The following RCL1 variants were observed in gnomAD, a reference collection of about 807,000 sequenced individuals.
The protein encoded by RCL1 is RNA 3'-terminal phosphate cyclase-like protein.
In RCL1, 24 loss-of-function variants were observed where a neutral mutation model predicts 42.4. The observed-to-expected ratio is 0.57, with a 90% CI of 0.41 to 0.80. RCL1 has a LOEUF of 0.80. Ranked by LOEUF, RCL1 falls within the 30% of genes least tolerant of loss-of-function variation. The pLI is 0.00. For synonymous variants in RCL1, 228 were observed against 177.3 expected (o/e 1.29, Z -2.27); for missense variants, 578 against 467.9 (o/e 1.24, Z -2.17).
chr9:4,848,622 G>C (rs566194146), intron 7 of RCL1, among the ~76,000 whole-genome samples: 1 of 152,310 alleles, frequency 6.6e-6, no homozygotes, highest in South Asian at 2.1e-4. Flanking sequence ...ATGTTTTAAA[G>C]TTATTCCAGA....
intron 2 of RCL1, 41 bp from the exon 3 acceptor site, chr9:4,826,817 T>G: frequency 6.4e-7 from 1 of 1,555,124 alleles, no homozygotes; most frequent in Non-Finnish European, 8.7e-7. Flanking sequence ...ACATTTTAGT[T>G]TTTTTCCTGC....
At chr9:4,827,746 G>GCA (rs1563842813) in intron 3 of RCL1, among the ~76,000 whole-genome samples, 1 of 119,252 alleles carries the variant, frequency 8.4e-6, no homozygotes, top group Non-Finnish European at 1.8e-5. Flanking sequence ...GTGTGTGTGT[G>GCA]TGTGTGTGTG....
At chr9:4,798,754 G>A (rs1286464316) in intron 1 of RCL1, among the ~76,000 whole-genome samples, 4 of 152,164 alleles carry the variant, frequency 2.6e-5, no homozygotes, top group African/African-American at 9.7e-5. Flanking sequence ...GGGCGTAACA[G>A]ATAACTTTAC....
intron 1 of RCL1, among the ~76,000 whole-genome samples, chr9:4,815,742 G>T (rs371158780): frequency 1.6e-3 from 241 of 152,224 alleles, no homozygotes; most frequent in African/African-American, 5.5e-3. Context: ...TGGGCACGGT[G>T]TTGACTCCTT....
chr9:4,833,708 C>T (rs1179650102), intron 4 of RCL1, among the ~76,000 whole-genome samples: 1 of 152,104 alleles, frequency 6.6e-6, no homozygotes. Flanking sequence ...TGTGGTAAAC[C>T]GTTTAGCATC....
intron 1 of RCL1, among the ~76,000 whole-genome samples, chr9:4,797,301 G>C (rs1449224602): frequency 6.6e-6 from 1 of 152,172 alleles, no homozygotes; most frequent in Non-Finnish European, 1.5e-5. Context: ...TATGTAGCTT[G>C]AACCCACTGG....
chr9:4,825,014 C>T (rs142388039), intron 2 of RCL1, among the ~76,000 whole-genome samples: 28 of 152,038 alleles, frequency 1.8e-4, no homozygotes, highest in Admixed American at 5.2e-4. Context: ...CGGGTTCAAA[C>T]GATTCTCCTG....
At chr9:4,799,948 T>G (rs950353809) in intron 1 of RCL1, among the ~76,000 whole-genome samples, 1 of 152,162 alleles carries the variant, frequency 6.6e-6, no homozygotes, top group South Asian at 2.1e-4. Flanking sequence ...TCATATGGGT[T>G]GTTGCTGCCA....
At chr9:4,840,075 G>A (rs1450310128) in intron 5 of RCL1, among the ~76,000 whole-genome samples, 1 of 152,042 alleles carries the variant, frequency 6.6e-6, no homozygotes, top group African/African-American at 2.4e-5. Flanking sequence ...AGGAGCCACC[G>A]AGAGACTGTC....
chr9:4,802,236 C>G (rs1181085779), intron 1 of RCL1, among the ~76,000 whole-genome samples: 4 of 152,068 alleles, frequency 2.6e-5, no homozygotes, highest in Non-Finnish European at 5.9e-5. Flanking sequence ...GTATATCACA[C>G]AGTCTTGATT....
At chr9:4,851,482 A>G (rs1054357611) in intron 8 of RCL1, among the ~76,000 whole-genome samples, 4 of 152,230 alleles carry the variant, frequency 2.6e-5, no homozygotes, top group African/African-American at 9.6e-5. Context: ...CTCCAGCAGC[A>G]CAAAGAGATG....
At chr9:4,798,224 C>T (rs1563825250) in intron 1 of RCL1, among the ~76,000 whole-genome samples, 1 of 152,208 alleles carries the variant, frequency 6.6e-6, no homozygotes, top group Non-Finnish European at 1.5e-5. Context: ...GTGCCTCTAT[C>T]TCTGGATTTC....
chr9:4,836,687 G>C (rs186019382), intron 5 of RCL1: 1 of 152,404 alleles, frequency 6.6e-6, no homozygotes, highest in Non-Finnish European at 1.5e-5. Context: ...GTTCTCAGGA[G>C]GTTTGGCAAT....
chr9:4,828,854 G>C (rs1384835265), intron 3 of RCL1, among the ~76,000 whole-genome samples: 1 of 152,206 alleles, frequency 6.6e-6, no homozygotes. Flanking sequence ...TGCTGTAGGA[G>C]TATCTGCTTT....
chr9:4,857,786 G>A (rs1231824688), intron 8 of RCL1, among the ~76,000 whole-genome samples: 4 of 151,982 alleles, frequency 2.6e-5, no homozygotes, highest in Non-Finnish European at 5.9e-5. Flanking sequence ...GTTATTGTAT[G>A]TCTTTTTATT....
At chr9:4,814,771 A>C (rs761748156) in intron 1 of RCL1, among the ~76,000 whole-genome samples, 3 of 151,950 alleles carry the variant, frequency 2.0e-5, no homozygotes, top group Non-Finnish European at 4.4e-5. Flanking sequence ...TCATTTCTAG[A>C]TGTAGGACCT....
At chr9:4,796,424 G>C (rs896066844) in intron 1 of RCL1, among the ~76,000 whole-genome samples, 15 of 152,118 alleles carry the variant, frequency 9.9e-5, no homozygotes, top group African/African-American at 3.6e-4. Context: ...TTTTTTTTGA[G>C]ACAGAGTCTC....
At chr9:4,817,912 A>ATTTTTTTTT (rs66886360) in intron 1 of RCL1, among the ~76,000 whole-genome samples, 12 of 78,366 alleles carry the variant, frequency 1.5e-4, no homozygotes, top group East Asian at 4.5e-4. Flanking sequence ...CTTTTCTAAG[A>ATTTTTTTTT]TTTTTTTTTT....
In RCL1 at chr9:4,833,360, C is replaced by G. The variant is rs1042449899; in HGVS notation, c.459+132C>G. The G allele has an allele frequency of 2.9e-5, 20 of 694,554 alleles. No individual in the cohort carries two copies. The African/African-American group carries it at 3.5e-4, about 12-fold the overall frequency. The allele number at this position is 694,554 out of a possible 1,614,324, so 43.0% of individuals were successfully genotyped here. ...ACCAGTTATCAGAAGACTCACAGGG[C>G]TCATGAAATAAACACTACAGACTTT... is the stretch of plus-strand genomic sequence containing the variant. On this transcript the variant is annotated intron_variant, in intron 4 of 8. Coordinates refer to ENST00000381750, the MANE Select transcript of RCL1 (RefSeq NM_005772.5).
Sources: gnomAD v4.1 joint callset for allele counts (sites outside exome capture counted in the v4.1 genomes callset) on GRCh38, gnomAD v4.1.1 for gene constraint, MANE v1.5 for transcripts, NCBI Gene and HGNC (gene_info 2026-07-23, HGNC 2026-07-21) for gene names.